Variants in GAK observed in about 807,000 individuals in gnomAD.
GAK encodes cyclin G associated kinase, also known as cyclin-G-associated kinase.
In GAK, 79 loss-of-function variants were observed where a neutral mutation model predicts 143.9. The ratio of observed to expected loss-of-function variants is 0.55; its 90% CI spans 0.46 to 0.66. GAK has a LOEUF of 0.66. Ranked by LOEUF, GAK falls within the 30% of genes least tolerant of loss-of-function variation. The pLI, the probability that GAK is intolerant of heterozygous loss-of-function variation, is 0.00. For missense variants in GAK, 1,693 were observed against 1,779.7 expected (o/e 0.95, Z 0.88); for synonymous variants, 881 against 765.5 (o/e 1.15, Z -2.49).
intron 6 of GAK, among the ~76,000 whole-genome samples, chr4:897,454 A>T (rs1184335405): frequency 6.6e-6 from 1 of 152,002 alleles, no homozygotes; most frequent in African/African-American, 2.4e-5. Context: ...GCGCAAGTTA[A>T]CTCCTCCAGC....
In GAK at chr4:859,509, C is replaced by T. The variant is rs1022032838; in HGVS notation, c.3283+97G>A. On this transcript the variant is annotated intron_variant, in intron 24 of 27. Coordinates refer to ENST00000314167, the MANE Select transcript of GAK (RefSeq NM_005255.4). ...GCTTGGGGGTCTTAGTGAACAGAGG[C>T]AAAGACTTCACTTTGGGCAGCTCAG... 3.8e-5 allele frequency: 61 copies of T among 1,597,750 alleles called. 2 individuals carry two copies. The highest frequency in any genetic ancestry group is 2.6e-6 in the Non-Finnish European group (3 of 1,168,662).
chr4:895,200 G>A (rs1301519055), intron 7 of GAK, among the ~76,000 whole-genome samples: 1 of 152,198 alleles, frequency 6.6e-6, no homozygotes, highest in Non-Finnish European at 1.5e-5. Context: ...CAGGGCAGAA[G>A]CTGCAGGAAG....
At chr4:879,488 G>A (rs1011278062) in intron 15 of GAK, among the ~76,000 whole-genome samples, 1 of 141,036 alleles carries the variant, frequency 7.1e-6, no homozygotes, top group South Asian at 2.8e-4. Flanking sequence ...TTACAGCACC[G>A]AAGAAAAACC....
At chr4:895,544 C>A (rs920117226) in intron 7 of GAK, among the ~76,000 whole-genome samples, 1 of 152,224 alleles carries the variant, frequency 6.6e-6, no homozygotes, top group Admixed American at 6.5e-5. Context: ...TGCAGCCCCA[C>A]GTGCTGTCTC....
intron 11 of GAK, among the ~76,000 whole-genome samples, chr4:885,293 G>A (rs899340034): frequency 1.3e-5 from 2 of 152,150 alleles, no homozygotes; most frequent in Non-Finnish European, 1.5e-5. Flanking sequence ...ACAAAAATAG[G>A]GGCCAGGTGC....
intron 1 of GAK, among the ~76,000 whole-genome samples, chr4:922,281 G>A (rs563405089): frequency 3.3e-5 from 5 of 152,176 alleles, no homozygotes; most frequent in East Asian, 1.9e-4. Context: ...TTCGGAGGCC[G>A]AGGCGGGCAG....
intron 7 of GAK, 85 bp downstream of exon 7, chr4:896,375 A>T: frequency 2.1e-6 from 2 of 952,304 alleles, no homozygotes; most frequent in South Asian, 1.6e-5. Flanking sequence ...GCCAGTTCCG[A>T]GTGGCAGGTG....
chr4:888,737 CCT>C, intron 11 of GAK, 108 bp downstream of exon 11: 3 of 1,377,500 alleles, frequency 2.2e-6, no homozygotes, highest in South Asian at 1.4e-5. Flanking sequence ...CTCAGGGGCC[CCT>C]GTGGGGCCTG....
intron 5 of GAK, among the ~76,000 whole-genome samples, chr4:898,662 G>C (rs763240701): frequency 9.2e-5 from 14 of 152,196 alleles, no homozygotes; most frequent in Non-Finnish European, 1.6e-4. Flanking sequence ...AGGAGTTCGA[G>C]ACACGCCTGA....
intron 27 of GAK, 59 bp from the exon 28 acceptor site, chr4:849,833 G>GGGGGGGGCGGCC: frequency 8.4e-7 from 1 of 1,190,156 alleles, no homozygotes; most frequent in Non-Finnish European, 1.2e-6. Context: ...GGCGGGGCAG[G>GGGGGGGGCGGCC]ACCCCCCCCC....
At chr4:864,162 C>T (rs966235366) in intron 23 of GAK, among the ~76,000 whole-genome samples, 10 of 152,238 alleles carry the variant, frequency 6.6e-5, no homozygotes, top group Admixed American at 5.9e-4. Flanking sequence ...AGTTCTAGAC[C>T]AGCCTGAGCA....
At chr4:906,909 C>G (rs544756120) in intron 4 of GAK, among the ~76,000 whole-genome samples, 4 of 152,298 alleles carry the variant, frequency 2.6e-5, no homozygotes, top group African/African-American at 9.6e-5. Context: ...AGGATGCCTC[C>G]CAGACCGCCC....
At chr4:859,252 C>A in intron 24 of GAK, 15 of 1,212,740 alleles carry the variant, frequency 1.2e-5, no homozygotes, top group Non-Finnish European at 1.6e-5. Context: ...CTAGCACGCT[C>A]CGAGCACAGC....
intron 23 of GAK, among the ~76,000 whole-genome samples, chr4:861,205 C>G (rs1400769945): frequency 6.6e-6 from 1 of 152,098 alleles, no homozygotes; most frequent in East Asian, 1.9e-4. Flanking sequence ...CCTACAACGG[C>G]CTATAAGCGT....
At chr4:865,054 G>A (rs1750916123) in intron 23 of GAK, 68 bp downstream of exon 23, 1 of 1,570,240 alleles carries the variant, frequency 6.4e-7, no homozygotes, top group Admixed American at 1.7e-5. Flanking sequence ...ACAGGTACGT[G>A]TGAAATAGAG....
intron 18 of GAK, 143 bp from the exon 19 acceptor site, chr4:871,047 G>A (rs888109135): frequency 1.5e-4 from 105 of 698,254 alleles, no homozygotes; most frequent in Non-Finnish European, 2.0e-4. Context: ...GGCCACCCCC[G>A]CCTGCGGAAG....
chr4:876,402 C>T, intron 18 of GAK, 128 bp downstream of exon 18: 2 of 779,118 alleles, frequency 2.6e-6, no homozygotes, highest in Non-Finnish European at 4.4e-6. Context: ...AGGAACAGGC[C>T]CAGAGCCACC....
At chr4:920,539 A>AATTTTTTT (rs766096942) in intron 1 of GAK, among the ~76,000 whole-genome samples, 2 of 129,592 alleles carry the variant, frequency 1.5e-5, no homozygotes, top group South Asian at 5.0e-4. Flanking sequence ...GTTTAGAGCC[A>AATTTTTTT]TTTTTTTTTT....
intron 1 of GAK, among the ~76,000 whole-genome samples, chr4:920,189 T>C (rs1249327488): frequency 6.6e-6 from 1 of 151,418 alleles, no homozygotes; most frequent in Non-Finnish European, 1.5e-5. Flanking sequence ...GCACCTGTAG[T>C]CCCAGCTACT....
Sources: gnomAD v4.1 joint callset for allele counts (sites outside exome capture counted in the v4.1 genomes callset) on GRCh38, gnomAD v4.1.1 for gene constraint, MANE v1.5 for transcripts, NCBI Gene and HGNC (gene_info 2026-07-23, HGNC 2026-07-21) for gene names.